CAMKMT: variants seen among roughly 807,000 people sequenced by gnomAD.
CAMKMT encodes CaM KMT.
A neutral mutation model predicts 48.0 loss-of-function variants in CAMKMT; 53 were observed. The ratio of observed to expected loss-of-function variants is 1.10; its 90% CI spans 0.89 to 1.39. The LOEUF (loss-of-function observed/expected upper bound fraction) is 1.39. CAMKMT is among the 40% of genes most tolerant of loss of function. The probability of loss-of-function intolerance (pLI) is 0.00; values close to 1 mark genes in which losing one functional copy is unlikely to be tolerated. For synonymous variants in CAMKMT, 165 were observed against 152.3 expected, an observed-to-expected ratio of 1.08 and a Z score of -0.61; for missense variants, 428 against 402.7, an observed-to-expected ratio of 1.06 and a Z score of -0.54.
intron 2 of CAMKMT, among the ~76,000 whole-genome samples, chr2:44,388,855 T>A (rs998537942): frequency 5.3e-5 from 8 of 152,134 alleles, no homozygotes; most frequent in African/African-American, 1.4e-4. Flanking sequence ...TGATGTGAAC[T>A]GTCTATGGGT....
At chr2:44,616,498 C>T (rs1377495793) in intron 3 of CAMKMT, among the ~76,000 whole-genome samples, 2 of 151,894 alleles carry the variant, frequency 1.3e-5, no homozygotes, top group East Asian at 3.9e-4. Context: ...CTTTTTATTA[C>T]AAGCCATATA....
chr2:44,745,043 C>T (rs1679861890), intron 8 of CAMKMT, among the ~76,000 whole-genome samples: 1 of 152,092 alleles, frequency 6.6e-6, no homozygotes, highest in Non-Finnish European at 1.5e-5. Flanking sequence ...AATGCCTTTC[C>T]TCACCAAATA....
In CAMKMT at chr2:44,423,650, C is replaced by T. The variant is rs114150873; in HGVS notation, c.376+33345C>T. 6.5e-3 allele frequency among the ~76,000 whole-genome samples: 989 copies of T among 152,300 alleles called. 4 individuals carry two copies. The highest frequency in any genetic ancestry group is 9.7e-3 in the Admixed American group (149 of 15,302). On this transcript the variant is annotated intron_variant, in intron 3 of 10. Coordinates refer to ENST00000378494, the MANE Select transcript of CAMKMT (RefSeq NM_024766.5). Reference sequence around the variant, plus strand: ...CATCTTCCTCATGGACTATGAACTGCTGGAGAGCAGGAAGTTTTAATTTGT... The same window carrying T: ...CATCTTCCTCATGGACTATGAACTGTTGGAGAGCAGGAAGTTTTAATTTGT...
chr2:44,498,329 T>C (rs1669853808), intron 3 of CAMKMT, among the ~76,000 whole-genome samples: 1 of 152,154 alleles, frequency 6.6e-6, no homozygotes, highest in South Asian at 2.1e-4. Context: ...AATTTTTAAA[T>C]TGTCTAATAT....
Position 44,617,526 on chromosome 2 carries a change from A to C in CAMKMT, c.377-86757A>C, listed in dbSNP as rs1474442834. ...ATTCAATTGTAAATTATTTTGGAAT[A>C]ATTCAAACTATAAAAGCTCTAATCT... On this transcript the variant is annotated intron_variant, in intron 3 of 10. Transcript: ENST00000378494. Among the ~76,000 whole-genome samples the C allele has an allele frequency of 1.5e-4, 23 of 152,248 alleles. 1 individual carries two copies. Among genetic ancestry groups the C allele is most frequent in the Admixed American group, 1.5e-3 (23 of 15,288 alleles).
chr2:44,430,862 T>C (rs1684608544), intron 3 of CAMKMT, among the ~76,000 whole-genome samples: 1 of 152,108 alleles, frequency 6.6e-6, no homozygotes, highest in Non-Finnish European at 1.5e-5. Flanking sequence ...TACATGAGAT[T>C]AGGAAAAGAT....
At chr2:44,652,793 A>G (rs909689928) in intron 3 of CAMKMT, among the ~76,000 whole-genome samples, 8 of 152,140 alleles carry the variant, frequency 5.3e-5, no homozygotes, top group Admixed American at 4.6e-4. Context: ...AGACTAGACA[A>G]TGAGGAGCCC....
chr2:44,695,324 C>A (rs1189756519), intron 3 of CAMKMT, among the ~76,000 whole-genome samples: 1 of 152,102 alleles, frequency 6.6e-6, no homozygotes, highest in Non-Finnish European at 1.5e-5. Flanking sequence ...ACCTTGGGAT[C>A]TCATCATTAG....
intron 3 of CAMKMT, among the ~76,000 whole-genome samples, chr2:44,496,735 T>G (rs1038047020): frequency 2.0e-5 from 3 of 152,240 alleles, no homozygotes; most frequent in African/African-American, 7.2e-5. Flanking sequence ...AAATGTGGTG[T>G]TCCAGTTTTG....
chr2:44,706,588 A>C (rs1204917733), intron 5 of CAMKMT, among the ~76,000 whole-genome samples: 1 of 150,792 alleles, frequency 6.6e-6, no homozygotes, highest in African/African-American at 2.4e-5. Context: ...GGCCTCGCAC[A>C]GTCTTTCTTT....
In CAMKMT at chr2:44,496,664, C is replaced by T. The variant is rs115706727; in HGVS notation, c.376+106359C>T. Among the ~76,000 whole-genome samples the T allele has an allele frequency of 5.7e-3, 868 of 152,260 alleles. 12 individuals carry two copies. The highest frequency in any genetic ancestry group is 0.019 in the African/African-American group (798 of 41,554). ...TTAATTAATATCTGGTGGTCTTCTA[C>T]GTTCCTAAGGGAATATGACTTTGAA... is the stretch of plus-strand genomic sequence containing the variant. On this transcript the variant is annotated intron_variant, in intron 3 of 10. Coordinates refer to ENST00000378494, the MANE Select transcript of CAMKMT (RefSeq NM_024766.5).
At chr2:44,599,685 T>C (rs1467611881) in intron 3 of CAMKMT, among the ~76,000 whole-genome samples, 4 of 152,030 alleles carry the variant, frequency 2.6e-5, no homozygotes, top group Non-Finnish European at 5.9e-5. Flanking sequence ...AATGGGAACT[T>C]AGGGCTTAGA....
chr2:44,737,966 C>T (rs1410849055), intron 7 of CAMKMT, among the ~76,000 whole-genome samples: 3 of 151,794 alleles, frequency 2.0e-5, no homozygotes, highest in African/African-American at 7.3e-5. Flanking sequence ...AGCGATTCTC[C>T]TGCTTCAGCC....
chr2:44,379,205 A>T (rs1250191007), intron 2 of CAMKMT, among the ~76,000 whole-genome samples: 2 of 152,210 alleles, frequency 1.3e-5, no homozygotes, highest in Non-Finnish European at 2.9e-5. Flanking sequence ...CACTGAGCGT[A>T]ATCTTTTTAA....
chr2:44,448,059 G>A (rs910276025), intron 3 of CAMKMT, among the ~76,000 whole-genome samples: 2 of 151,612 alleles, frequency 1.3e-5, no homozygotes, highest in African/African-American at 4.9e-5. Context: ...ATTTATTCAC[G>A]TTGCTGCACA....
intron 7 of CAMKMT, chr2:44,723,876 C>T (rs1388767379): frequency 6.6e-6 from 1 of 152,092 alleles, no homozygotes; most frequent in Non-Finnish European, 1.5e-5. Context: ...AGCCTTATTC[C>T]TAGTCCAGAA....
At chr2:44,458,423 GTA>G (rs1667686441) in intron 3 of CAMKMT, among the ~76,000 whole-genome samples, 1 of 152,056 alleles carries the variant, frequency 6.6e-6, no homozygotes, top group Non-Finnish European at 1.5e-5. Context: ...CAAACCTGTG[GTA>G]TATTTCACAC....
intron 1 of CAMKMT, among the ~76,000 whole-genome samples, chr2:44,369,137 G>A (rs1165367344): frequency 6.6e-6 from 1 of 152,028 alleles, no homozygotes; most frequent in Non-Finnish European, 1.5e-5. Flanking sequence ...ACCCACCTTT[G>A]CCTCTGAAAG....
intron 6 of CAMKMT, among the ~76,000 whole-genome samples, chr2:44,708,711 C>T (rs1432104292): frequency 1.3e-5 from 2 of 152,068 alleles, no homozygotes; most frequent in Admixed American, 6.6e-5. Flanking sequence ...TGAGTTATTT[C>T]GTGCATGTAT....
Sources: gnomAD v4.1 joint callset for allele counts (sites outside exome capture counted in the v4.1 genomes callset) on GRCh38, gnomAD v4.1.1 for gene constraint, MANE v1.5 for transcripts, NCBI Gene and HGNC (gene_info 2026-07-23, HGNC 2026-07-21) for gene names.